KLHDC1: variants seen among roughly 807,000 people sequenced by gnomAD.
KLHDC1 encodes the protein kelch domain-containing protein 1.
KLHDC1 carries 53 observed loss-of-function variants against 68.3 expected under a neutral mutation model. The observed-to-expected ratio is 0.78, with a 90% confidence interval of 0.62 to 0.98. The LOEUF is 0.98. Among genes scored for constraint, KLHDC1 ranks in the 50% least tolerant of loss-of-function variants. The pLI is 0.00. For missense variants in KLHDC1, 470 were observed against 492.3 expected, an observed-to-expected ratio of 0.95 and a Z score of 0.43; for synonymous variants, 148 against 159.0, an observed-to-expected ratio of 0.93 and a Z score of 0.52.
intron 1 of KLHDC1, among the ~76,000 whole-genome samples, chr14:49,699,667 T>C (rs897926454): frequency 6.6e-6 from 1 of 152,208 alleles, no homozygotes; most frequent in African/African-American, 2.4e-5. Context: ...AGCTCACCGA[T>C]ATCTGTCTAA....
chr14:49,699,415 A>G (rs1170877389), intron 1 of KLHDC1, among the ~76,000 whole-genome samples: 26 of 151,600 alleles, frequency 1.7e-4, no homozygotes, highest in African/African-American at 6.3e-4. Flanking sequence ...TGGGTAGTAT[A>G]GGCTTTAAAA....
chr14:49,742,636 G>A lies in KLHDC1; in HGVS notation c.982-1117G>A, dbSNP rs377649503. 4.9e-4 allele frequency among the ~76,000 whole-genome samples: 67 copies of A among 137,134 alleles called. 1 individual carries two copies. In the South Asian group the frequency reaches 0.015, roughly 30 times the overall value. 90.0% of individuals were successfully genotyped at this position (137,134 alleles called of 152,430 possible). A position where few individuals can be genotyped will look rare whatever the true frequency, so the allele number is the denominator to read the frequency against. ...TGCGGTGAGCCGAGATCGCACCACCGCACTCTAGCCTGGGCAACAGAGCGA... is the reference window on the plus strand; with the variant it reads ...TGCGGTGAGCCGAGATCGCACCACCACACTCTAGCCTGGGCAACAGAGCGA... On this transcript the variant is annotated intron_variant, in intron 11 of 12. Coordinates refer to ENST00000359332, the MANE Select transcript of KLHDC1 (RefSeq NM_172193.3).
In KLHDC1 at chr14:49,705,365, CT is replaced by C. The variant is rs59444333; in HGVS notation, c.97-3773del. On this transcript the variant is annotated intron_variant, in intron 1 of 12. Transcript: ENST00000359332. ...TCACTTTCATAATATTTCTTTCTTTCTTTTTTTTTTTTTTTTTTTTTGAGAT... is the reference window on the plus strand; with the variant it reads ...TCACTTTCATAATATTTCTTTCTTTCTTTTTTTTTTTTTTTTTTTTGAGAT... 9.6e-3 allele frequency among the ~76,000 whole-genome samples: 690 copies of C among 71,648 alleles called. 7 individuals are homozygous for C. The highest frequency in any genetic ancestry group is 0.035 in the African/African-American group (632 of 18,314). 47.0% of individuals were successfully genotyped at this position (71,648 alleles called of 152,430 possible).
intron 10 of KLHDC1, among the ~76,000 whole-genome samples, chr14:49,738,685 C>G (rs1401020224): frequency 1.3e-5 from 2 of 152,118 alleles, no homozygotes; most frequent in Non-Finnish European, 2.9e-5. Flanking sequence ...TTTTGAGCAG[C>G]TACTGGGTAC....
At position 49,728,952 on chromosome 14, in the gene KLHDC1, C is replaced by T; in HGVS notation, c.594C>T (p.Ala198=). The change falls in exon 7 of 13, where the codon GCC becomes GCT. Residue 198 remains alanine (A), a synonymous_variant. Transcript: ENST00000359332. The part of the protein sequence containing the change: ...IKGGVPPQPR[A]AHTCAVLGNK... ...GTGGAGTTCCACCACAGCCACGAGC[C>T]GCGCATACATGTGCAGTTCTTGGAA... 3.1e-6 allele frequency: 5 copies of T among 1,613,578 alleles called. No individual in the cohort carries two copies. The highest frequency in any genetic ancestry group is 4.2e-6 in the Non-Finnish European group (5 of 1,179,602).
At chr14:49,750,774 T>G (rs761926349) in intron 12 of KLHDC1, among the ~76,000 whole-genome samples, 26 of 152,170 alleles carry the variant, frequency 1.7e-4, no homozygotes, top group Non-Finnish European at 2.9e-4. Context: ...GGCATTGTAC[T>G]TGGAAGGATA....
At chr14:49,711,262 C>T (rs1436602430) in intron 4 of KLHDC1, among the ~76,000 whole-genome samples, 5 of 152,118 alleles carry the variant, frequency 3.3e-5, no homozygotes, top group Admixed American at 1.3e-4. Context: ...AGCGCAGTGG[C>T]GCAATCTCGG....
intron 10 of KLHDC1, among the ~76,000 whole-genome samples, chr14:49,739,478 A>C (rs894902233): frequency 6.6e-6 from 1 of 152,156 alleles, no homozygotes; most frequent in African/African-American, 2.4e-5. Flanking sequence ...AAAAACTAGG[A>C]ACATATTATG....
At chr14:49,746,000 C>A (rs78942012) in intron 12 of KLHDC1, among the ~76,000 whole-genome samples, 20,315 of 152,110 alleles carry the variant, frequency 0.13, 1,679 homozygotes, top group Non-Finnish European at 0.19. Flanking sequence ...GAGACTATTA[C>A]AGTGGTCAGG....
Position 49,751,673 on chromosome 14 carries a change from C to CA in KLHDC1, c.1129dup (p.Ile377AsnfsTer8), listed in dbSNP as rs1397322025. ...CTCCTAAACTTCTGCAACAAGTACT[C>CA]AAAAAAATAACATTTTGGGCTGCAG... On this transcript the variant is annotated frameshift_variant, in exon 13 of 13. Coordinates refer to ENST00000359332, the MANE Select transcript of KLHDC1 (RefSeq NM_172193.3). LOFTEE classifies it high-confidence loss of function. The CA allele has an allele frequency of 2.5e-6, 4 of 1,605,670 alleles. No individual in the cohort carries two copies. Among genetic ancestry groups the CA allele is most frequent in the East Asian group, 2.2e-5 (1 of 44,588 alleles).
rs536474046 is a variant in KLHDC1 at position 49,717,665 on chromosome 14, A to G, written c.405-6209A>G. ...TTTGTCTTGCTTTGGTATCAGGGTAATGCTAGCCTCAAACTAATTTAGGAA... is the reference window on the plus strand; with the variant it reads ...TTTGTCTTGCTTTGGTATCAGGGTAGTGCTAGCCTCAAACTAATTTAGGAA... On this transcript the variant is annotated intron_variant, in intron 4 of 12. Coordinates refer to ENST00000359332, the MANE Select transcript of KLHDC1 (RefSeq NM_172193.3). Among the ~76,000 whole-genome samples the G allele has an allele frequency of 6.6e-5, 10 of 151,724 alleles. No individual in the cohort carries two copies. The South Asian group carries it at 2.1e-3, about 32-fold the overall frequency.
Position 49,723,936 on chromosome 14 carries a change from T to C in KLHDC1, c.467T>C (p.Val156Ala). Residue 156 changes from valine (V) to alanine (A), a missense_variant, in exon 5 of 13, where the codon GTT (valine) becomes GCT (alanine). Coordinates refer to ENST00000359332, the MANE Select transcript of KLHDC1 (RefSeq NM_172193.3). ...RHSELQDCFD[V>A]HDASWEEQIF... ...AGTGAACTCCAAGACTGTTTTGATG[T>C]TCATGATGCATCTTGGGTAAGATAG... The C allele has an allele frequency of 6.3e-7, 1 of 1,598,342 alleles. No homozygotes were observed. Among genetic ancestry groups the C allele is most frequent in the East Asian group, 2.2e-5 (1 of 44,730 alleles).
intron 4 of KLHDC1, among the ~76,000 whole-genome samples, chr14:49,718,967 C>T (rs543041567): frequency 4.0e-5 from 6 of 151,236 alleles, no homozygotes; most frequent in Non-Finnish European, 4.4e-5. Context: ...TTAGTAGAGA[C>T]GGGGTTTCAC....
intron 10 of KLHDC1, among the ~76,000 whole-genome samples, chr14:49,736,055 G>A (rs529539753): frequency 1.6e-4 from 24 of 152,212 alleles, no homozygotes; most frequent in South Asian, 4.1e-4. Context: ...TTTTTTCATC[G>A]GTGAAATAAG....
chr14:49,697,703 GTTTATT>G (rs1887783926), intron 1 of KLHDC1, among the ~76,000 whole-genome samples: 2 of 152,196 alleles, frequency 1.3e-5, no homozygotes, highest in Admixed American at 6.5e-5. Flanking sequence ...TGTTTTGTGT[GTTTATT>G]TTTAATTTGG....
chr14:49,749,670 T>G (rs1594687830), intron 12 of KLHDC1, among the ~76,000 whole-genome samples: 2 of 128,832 alleles, frequency 1.6e-5, no homozygotes, highest in South Asian at 4.9e-4. Context: ...AGAGTGAGAC[T>G]CCGTCTCAAA....
intron 12 of KLHDC1, among the ~76,000 whole-genome samples, chr14:49,748,082 C>G (rs972564480): frequency 1.3e-5 from 2 of 151,968 alleles, no homozygotes; most frequent in Non-Finnish European, 2.9e-5. Flanking sequence ...GGTTTCTGGT[C>G]CAAGAGGAGG....
At chr14:49,734,787 C>T (rs540058939) in intron 10 of KLHDC1, 126 bp downstream of exon 10, 16 of 409,732 alleles carry the variant, frequency 3.9e-5, no homozygotes, top group African/African-American at 3.1e-4. Context: ...TTCAAATGAG[C>T]TTGATGTTAC....
chr14:49,725,818 T>A, intron 6 of KLHDC1, 49 bp downstream of exon 6: 1 of 966,516 alleles, frequency 1.0e-6, no homozygotes, highest in Non-Finnish European at 1.5e-6. Context: ...TAAAAATAAA[T>A]TTTTTACTGT....
Sources: allele counts gnomAD v4.1 joint callset (sites outside exome capture counted in the v4.1 genomes callset), GRCh38; gene constraint gnomAD v4.1.1; transcripts MANE v1.5; gene names NCBI Gene and HGNC (gene_info 2026-07-23, HGNC 2026-07-21).